Variants in DAB1 observed in about 807,000 individuals in gnomAD.
The protein encoded by DAB1 is disabled homolog 1.
Under a neutral mutation model 64.6 loss-of-function variants are expected in DAB1, and 15 were observed. That is an observed-to-expected ratio of 0.23 (90% CI 0.16 to 0.36). The LOEUF (loss-of-function observed/expected upper bound fraction) is 0.36, where lower values mean the gene tolerates loss of function less well. Among genes scored for constraint, DAB1 ranks in the 10% least tolerant of loss-of-function variants. DAB1 has a pLI of 1.00. For missense variants in DAB1, 596 were observed against 706.7 expected, an observed-to-expected ratio of 0.84 and a Z score of 1.78; for synonymous variants, 235 against 251.9, an observed-to-expected ratio of 0.93 and a Z score of 0.64.
chr1:57,178,897 C>T (rs1017191996), intron 2 of DAB1, among the ~76,000 whole-genome samples: 1 of 152,038 alleles, frequency 6.6e-6, no homozygotes, highest in African/African-American at 2.4e-5. Context: ...CCCCCATCGC[C>T]ACCTCCTGGA....
chr1:57,604,699 C>G (rs1645615808), intron 7 of DAB1, among the ~76,000 whole-genome samples: 1 of 152,192 alleles, frequency 6.6e-6, no homozygotes, highest in Admixed American at 6.5e-5. Context: ...AGCCGCTTCA[C>G]TAGGGTTCGT....
chr1:57,688,338 A>G (rs1036548046), intron 6 of DAB1, among the ~76,000 whole-genome samples: 9 of 152,234 alleles, frequency 5.9e-5, no homozygotes, highest in Non-Finnish European at 1.3e-4. Context: ...TAATCATCAG[A>G]GAAATGCAAA....
chr1:57,791,293 G>T (rs555494841), intron 6 of DAB1, among the ~76,000 whole-genome samples: 6 of 152,122 alleles, frequency 3.9e-5, no homozygotes, highest in Admixed American at 3.9e-4. Context: ...TCTCACAACT[G>T]CTCTTTGAGA....
intron 5 of DAB1, among the ~76,000 whole-genome samples, chr1:57,910,457 G>T (rs928850759): frequency 6.6e-6 from 1 of 152,182 alleles, no homozygotes; most frequent in East Asian, 1.9e-4. Context: ...CACCGCTCTG[G>T]CAAGCACATA....
intron 1 of DAB1, among the ~76,000 whole-genome samples, chr1:57,349,232 C>T (rs577916772): frequency 6.6e-6 from 1 of 152,148 alleles, no homozygotes; most frequent in Non-Finnish European, 1.5e-5. Context: ...AACTCTCCTT[C>T]ATGCTTGAAT....
chr1:57,144,906 T>C (rs964673998), intron 3 of DAB1, among the ~76,000 whole-genome samples: 18 of 152,106 alleles, frequency 1.2e-4, no homozygotes, highest in African/African-American at 4.1e-4. Flanking sequence ...TCTTAACATC[T>C]CTTACCATAT....
chr1:58,057,897 C>T (rs1176017943), intron 5 of DAB1, among the ~76,000 whole-genome samples: 2 of 152,050 alleles, frequency 1.3e-5, no homozygotes, highest in East Asian at 3.9e-4. Context: ...CACTTGACCA[C>T]CTCCTGCTTG....
At chr1:58,206,796 C>A (rs1658305886) in intron 4 of DAB1, among the ~76,000 whole-genome samples, 1 of 152,220 alleles carries the variant, frequency 6.6e-6, no homozygotes, top group Non-Finnish European at 1.5e-5. Context: ...GGCCACAATC[C>A]TTGCAGTTGT....
chr1:57,796,539 G>GATA lies in DAB1; in HGVS notation n.551+87457_551+87459dup, dbSNP rs112123311. Among the ~76,000 whole-genome samples, 896 of 146,876 alleles carry GATA rather than the reference G, an allele frequency of 6.1e-3. 3 individuals carry two copies. Among genetic ancestry groups the GATA allele is most frequent in the Middle Eastern group, 0.018 (5 of 280 alleles). On this transcript the variant is annotated intron_variant and non_coding_transcript_variant, in intron 6 of 20. Coordinates refer to the DAB1 transcript ENST00000485760. ...AAAACTCCGTCTCAATAATAACAAT[G>GATA]ATAATAATAATAATAATAATAATCA...
At chr1:58,209,061 T>C (rs985175830) in intron 4 of DAB1, among the ~76,000 whole-genome samples, 1 of 152,112 alleles carries the variant, frequency 6.6e-6, no homozygotes, top group African/African-American at 2.4e-5. Context: ...TTTCAGGAGA[T>C]AAGTGAGGTG....
intron 3 of DAB1, among the ~76,000 whole-genome samples, chr1:58,417,286 A>G (rs1644729898): frequency 6.6e-6 from 1 of 152,240 alleles, no homozygotes; most frequent in South Asian, 2.1e-4. Context: ...GCTCTAAGGA[A>G]GGGTTGATGC....
At position 57,409,094 on chromosome 1, in the gene DAB1, T is replaced by C. The variant is rs371507017; in HGVS notation, c.-137+14836A>G. Among the ~76,000 whole-genome samples, 246 of 152,320 alleles carry C rather than the reference T, an allele frequency of 1.6e-3. 1 individual carries two copies. Among genetic ancestry groups the C allele is most frequent in the African/African-American group, 5.5e-3 (228 of 41,578 alleles). ...TCCCACCATGCAGACTCTTCTATGC[T>C]TCCGGCAGCCCAACTCCTGGCCTTT... On this transcript the variant is annotated intron_variant, in intron 1 of 14. Coordinates refer to ENST00000371236, the MANE Select transcript of DAB1 (RefSeq NM_001365792.1).
chr1:57,960,113 T>A (rs1162122194), intron 5 of DAB1, among the ~76,000 whole-genome samples: 1 of 151,394 alleles, frequency 6.6e-6, no homozygotes. Flanking sequence ...TGGTGAGGAG[T>A]GTGGGAGAGG....
intron 3 of DAB1, among the ~76,000 whole-genome samples, chr1:58,377,318 C>T (rs1306964067): frequency 2.1e-5 from 3 of 141,080 alleles, no homozygotes; most frequent in South Asian, 2.5e-4. Context: ...CGGCTGGTAC[C>T]GGTTGTTCCT....
At chr1:58,494,973 T>C (rs1233298336) in intron 3 of DAB1, among the ~76,000 whole-genome samples, 2 of 152,214 alleles carry the variant, frequency 1.3e-5, no homozygotes, top group Non-Finnish European at 2.9e-5. Flanking sequence ...TGCACACGTA[T>C]GTTTATTGCA....
chr1:57,198,350 T>G (rs1459093301), intron 2 of DAB1, among the ~76,000 whole-genome samples: 1 of 152,150 alleles, frequency 6.6e-6, no homozygotes, highest in Non-Finnish European at 1.5e-5. Flanking sequence ...AACATAGTCC[T>G]AGAGCAGGAG....
intron 3 of DAB1, among the ~76,000 whole-genome samples, chr1:58,406,717 C>T (rs985103653): frequency 7.3e-6 from 1 of 137,482 alleles, no homozygotes; most frequent in African/African-American, 2.7e-5. Flanking sequence ...CATCCCCCCC[C>T]CCCAACTGCC....
At chr1:57,148,874 A>T (rs1158638090) in intron 2 of DAB1, among the ~76,000 whole-genome samples, 1 of 152,216 alleles carries the variant, frequency 6.6e-6, no homozygotes, top group Non-Finnish European at 1.5e-5. Flanking sequence ...TGTACAATTC[A>T]CCATTTTAAA....
At chr1:57,987,717 A>G (rs1211740561) in intron 5 of DAB1, among the ~76,000 whole-genome samples, 1 of 152,192 alleles carries the variant, frequency 6.6e-6, no homozygotes. Context: ...TACCATTTAT[A>G]TAAGATGCCT....
Sources: gnomAD v4.1 joint callset for allele counts (sites outside exome capture counted in the v4.1 genomes callset) on GRCh38, gnomAD v4.1.1 for gene constraint, MANE v1.5 for transcripts, NCBI Gene and HGNC (gene_info 2026-07-23, HGNC 2026-07-21) for gene names.